Variants in PKD1L3 observed in about 807,000 individuals in gnomAD.
PKD1L3 encodes the protein polycystin 1 like 3, transient receptor potential channel interacting.
A neutral mutation model predicts 184.1 loss-of-function variants in PKD1L3; 239 were observed. The ratio of observed to expected loss-of-function variants is 1.30; its 90% CI spans 1.17 to 1.45. PKD1L3 has a LOEUF of 1.45. PKD1L3 is among the 40% of genes most tolerant of loss of function. PKD1L3 has a pLI of 0.00. For synonymous variants in PKD1L3, 996 were observed against 778.8 expected, an observed-to-expected ratio of 1.28 and a Z score of -4.64; for missense variants, 2,660 against 2,067.2, an observed-to-expected ratio of 1.29 and a Z score of -5.56.
chr16:71,937,262 C>G (rs1184709171), intron 25 of PKD1L3, 30 bp downstream of exon 25: 1 of 1,543,714 alleles, frequency 6.5e-7, no homozygotes, highest in Non-Finnish European at 8.7e-7. Flanking sequence ...GCCATGTTGC[C>G]CAGGCTGACA....
chr16:71,935,492 C>T lies in PKD1L3; in HGVS notation c.4479G>A (p.Trp1493Ter), dbSNP rs1567488132. The part of the protein sequence containing the change: ...IQGCQLKQQK[W>*]RFFTGKRNIL... ...TGTTTCTTTTCCCAGTGAAGAACCT[C>T]CACTTCTGCTGTTTCAGCTGACAAC... Residue 1493 changes from tryptophan (W) to a stop codon, truncating the protein, a stop_gained, in exon 26 of 30, where the codon TGG becomes TGA. Transcript: ENST00000620267. LOFTEE classifies it high-confidence loss of function. The T allele has an allele frequency of 6.4e-7, 1 of 1,552,156 alleles. No homozygotes were observed. The highest frequency in any genetic ancestry group is 2.4e-5 in the East Asian group (1 of 40,920).
chr16:71,964,075 C>T (rs1220786372), intron 15 of PKD1L3, among the ~76,000 whole-genome samples: 1 of 151,934 alleles, frequency 6.6e-6, no homozygotes. Context: ...CTCATCTCCA[C>T]TTCACAGAGC....
chr16:71,984,217 C>T (rs2040274357), intron 5 of PKD1L3, 50 bp from the exon 6 acceptor site: 1 of 1,516,674 alleles, frequency 6.6e-7, no homozygotes. Context: ...AATTACTGTA[C>T]TGTAGTAGTC....
intron 29 of PKD1L3, 37 bp from the exon 30 acceptor site, chr16:71,929,715 T>C (rs777075280): frequency 1.7e-5 from 25 of 1,487,416 alleles, no homozygotes; most frequent in Middle Eastern, 1.7e-4. Context: ...AGTGAGAAAA[T>C]TGAAATTACT....
At chr16:71,951,461 G>A in intron 19 of PKD1L3, 103 bp downstream of exon 19, 3 of 1,193,510 alleles carry the variant, frequency 2.5e-6, no homozygotes, top group Non-Finnish European at 3.5e-6. Flanking sequence ...CAACCAGAAG[G>A]TTGTATCAGG....
At chr16:71,949,725 G>A (rs1036508790) in intron 21 of PKD1L3, 58 bp downstream of exon 21, 3 of 1,435,250 alleles carry the variant, frequency 2.1e-6, no homozygotes, top group African/African-American at 2.9e-5. Context: ...TTGACACCCA[G>A]GGACCTCAGT....
intron 2 of PKD1L3, among the ~76,000 whole-genome samples, chr16:71,997,781 A>AAATAAAT (rs2040843916): frequency 6.6e-6 from 1 of 151,756 alleles, no homozygotes; most frequent in Non-Finnish European, 1.5e-5. Context: ...ATAAATAAAT[A>AAATAAAT]AATAAATACA....
chr16:71,953,145 C>T (rs2038914970), intron 17 of PKD1L3, 52 bp from the exon 18 acceptor site: 1 of 1,353,002 alleles, frequency 7.4e-7, no homozygotes, highest in Non-Finnish European at 9.7e-7. Context: ...AAAATAATCG[C>T]AAAGTCATTC....
intron 24 of PKD1L3, among the ~76,000 whole-genome samples, chr16:71,941,008 G>A (rs2038341140): frequency 6.6e-6 from 1 of 151,668 alleles, no homozygotes; most frequent in African/African-American, 2.4e-5. Flanking sequence ...GCTAATTTTT[G>A]TATTTTTGGT....
At chr16:71,954,490 G>A (rs1231628483) in intron 16 of PKD1L3, among the ~76,000 whole-genome samples, 189 bp from the exon 17 acceptor site, 2 of 152,056 alleles carry the variant, frequency 1.3e-5, no homozygotes, top group African/African-American at 2.4e-5. Flanking sequence ...ACCCGAATGT[G>A]TCCATGTAAG....
At chr16:71,986,788 C>T (rs114180739) in intron 4 of PKD1L3, among the ~76,000 whole-genome samples, 1,897 of 152,122 alleles carry the variant, frequency 0.012, 34 homozygotes, top group African/African-American at 0.042. Context: ...TTGTCGAGCC[C>T]CTGTGTTAGT....
chr16:71,933,858 A>G (rs571079385), intron 27 of PKD1L3, 57 bp downstream of exon 27: 576 of 1,517,212 alleles, frequency 3.8e-4, no homozygotes, highest in Non-Finnish European at 4.9e-4. Flanking sequence ...ATGGGAAGCG[A>G]TGCGATTCCA....
chr16:71,993,833 G>A (rs2040685057), intron 2 of PKD1L3, among the ~76,000 whole-genome samples: 1 of 152,196 alleles, frequency 6.6e-6, no homozygotes, highest in Non-Finnish European at 1.5e-5. Context: ...GGAATGCAAT[G>A]GCACGATCTG....
rs1224242254 is a variant in PKD1L3, at chr16:71,949,792, C to T, written c.3609G>A (p.Gln1203=). The T allele has an allele frequency of 1.9e-6, 3 of 1,550,212 alleles. No individual in the cohort carries two copies. Among genetic ancestry groups the T allele is most frequent in the Non-Finnish European group, 2.6e-6 (3 of 1,146,594 alleles). Residue 1203 remains glutamine, a synonymous_variant, in exon 21 of 30, where the codon CAG becomes CAA. Transcript: ENST00000620267. Reference sequence around the variant, plus strand: ...CCCATCCCTCACATACCTTTACTGGCTGGCTGATGAAGATGTTCTGAAGCA... The same window carrying T: ...CCCATCCCTCACATACCTTTACTGGTTGGCTGATGAAGATGTTCTGAAGCA... ...LSVLQNIFIS[Q]PVKVVFFTFL...
At chr16:71,991,558 C>T (rs1465861014) in intron 3 of PKD1L3, among the ~76,000 whole-genome samples, 1 of 152,168 alleles carries the variant, frequency 6.6e-6, no homozygotes, top group Admixed American at 6.6e-5. Context: ...GTAAGGTGCT[C>T]TCCTAACAAC....
At chr16:71,935,125 TTAAGCACATACC>T (rs2038129084) in intron 26 of PKD1L3, among the ~76,000 whole-genome samples, 1 of 152,256 alleles carries the variant, frequency 6.6e-6, no homozygotes, top group African/African-American at 2.4e-5. Flanking sequence ...TGCATTATCC[TTAAGCACATACC>T]TAAGCACTAA....
At chr16:71,935,857 A>C (rs1266486188) in intron 25 of PKD1L3, among the ~76,000 whole-genome samples, 1 of 151,648 alleles carries the variant, frequency 6.6e-6, no homozygotes, top group African/African-American at 2.4e-5. Context: ...TGGTGCGATC[A>C]TAGCTCACTG....
At position 71,953,077 on chromosome 16, in the gene PKD1L3, C is replaced by A; in HGVS notation, c.2826G>T (p.Val942=). The change falls in exon 18 of 30, where the codon GTG becomes GTT. Residue 942 remains valine (V), a synonymous_variant. Coordinates refer to ENST00000620267, the MANE Select transcript of PKD1L3 (RefSeq NM_181536.2). ...TGCTGACCAGCAGTTCAGACCAGGC[C>A]ACAGCAAATGGACGCACTGAAAGAA... ...KRDEQMRPFA[V]AWSELLVSIH... The A allele has an allele frequency of 6.8e-7, 1 of 1,474,250 alleles. No homozygotes were observed. The highest frequency in any genetic ancestry group is 9.0e-7 in the Non-Finnish European group (1 of 1,114,308). 91.3% of individuals were successfully genotyped at this position (1,474,250 alleles called of 1,614,324 possible). A position where few individuals can be genotyped will look rare whatever the true frequency, so the allele number is the denominator to read the frequency against.
chr16:71,945,388 A>T lies in PKD1L3; in HGVS notation c.3719-1218T>A, dbSNP rs1198351984. Among the ~76,000 whole-genome samples the T allele has an allele frequency of 2.2e-3, 144 of 65,956 alleles. 2 individuals carry two copies. Among genetic ancestry groups the T allele is most frequent in the African/African-American group, 6.7e-3 (137 of 20,436 alleles). 43.3% of individuals were successfully genotyped at this position (65,956 alleles called of 152,430 possible). On this transcript the variant is annotated intron_variant, in intron 22 of 29. Coordinates refer to ENST00000620267, the MANE Select transcript of PKD1L3 (RefSeq NM_181536.2). ...TATACACACACGCACACACACATATATATATATATATTTATTTATTTATTT... is the reference window on the plus strand; with the variant it reads ...TATACACACACGCACACACACATATTTATATATATATTTATTTATTTATTT...
Sources: gnomAD v4.1 joint callset for allele counts (sites outside exome capture counted in the v4.1 genomes callset) on GRCh38, gnomAD v4.1.1 for gene constraint, MANE v1.5 for transcripts, NCBI Gene and HGNC (gene_info 2026-07-23, HGNC 2026-07-21) for gene names.